Variants in CNTNAP2 observed in about 807,000 individuals in gnomAD.
CNTNAP2 encodes contactin associated protein 2.
In CNTNAP2, 98 loss-of-function variants were observed where a neutral mutation model predicts 155.2. That is an observed-to-expected ratio of 0.63 (90% confidence interval 0.54 to 0.75). The LOEUF (loss-of-function observed/expected upper bound fraction) is 0.75. Among genes scored for constraint, CNTNAP2 ranks in the 30% least tolerant of loss-of-function variants. CNTNAP2 has a pLI of 0.00. For missense variants in CNTNAP2, 1,727 were observed against 1,688.1 expected (o/e 1.02, Z -0.40); for synonymous variants, 651 against 631.2 (o/e 1.03, Z -0.47).
intron 13 of CNTNAP2, among the ~76,000 whole-genome samples, chr7:147,727,949 C>CT (rs1248528903): frequency 6.6e-6 from 1 of 151,958 alleles, no homozygotes; most frequent in Non-Finnish European, 1.5e-5. Flanking sequence ...CTAGCCACCC[C>CT]TATGGTCATC....
At position 147,495,745 on chromosome 7, in the gene CNTNAP2, T is replaced by C. The variant is rs556719476; in HGVS notation, c.1777+9704T>C. 3.3e-5 allele frequency among the ~76,000 whole-genome samples: 5 copies of C among 152,288 alleles called. No homozygotes were observed. In the South Asian group the frequency reaches 1.0e-3, roughly 32 times the overall value. ...AACTTCAGATGCTATTCTTCATAAG[T>C]CATTTTTTTAAATCGTGAAACAACT... On this transcript the variant is annotated intron_variant, in intron 11 of 23. Transcript: ENST00000361727.
intron 3 of CNTNAP2, among the ~76,000 whole-genome samples, chr7:147,024,934 C>T (rs904504855): frequency 2.0e-5 from 3 of 152,000 alleles, no homozygotes; most frequent in Non-Finnish European, 4.4e-5. Flanking sequence ...TAAACAATCA[C>T]ATCACGTGAG....
chr7:147,654,592 C>T (rs1795496957), intron 13 of CNTNAP2, among the ~76,000 whole-genome samples: 1 of 152,144 alleles, frequency 6.6e-6, no homozygotes, highest in Non-Finnish European at 1.5e-5. Flanking sequence ...CAGTGACTTG[C>T]TCCACTGAAG....
intron 13 of CNTNAP2, among the ~76,000 whole-genome samples, chr7:147,776,297 G>A (rs1797585820): frequency 1.3e-5 from 2 of 150,018 alleles, no homozygotes; most frequent in Admixed American, 1.3e-4. Flanking sequence ...CTTGTAAAGG[G>A]GAAGAGGGTA....
At chr7:146,823,245 A>G (rs954605050) in intron 2 of CNTNAP2, among the ~76,000 whole-genome samples, 1 of 150,084 alleles carries the variant, frequency 6.7e-6, no homozygotes, top group African/African-American at 2.4e-5. Flanking sequence ...GTATATTTAA[A>G]TGTAAATATA....
At chr7:147,935,511 C>G (rs2116806377) in intron 14 of CNTNAP2, among the ~76,000 whole-genome samples, 1 of 152,214 alleles carries the variant, frequency 6.6e-6, no homozygotes. Flanking sequence ...TTTATGCCAC[C>G]TTTTTGGTCA....
At chr7:146,494,169 C>T (rs1203779848) in intron 1 of CNTNAP2, among the ~76,000 whole-genome samples, 1 of 151,792 alleles carries the variant, frequency 6.6e-6, no homozygotes, top group Non-Finnish European at 1.5e-5. Flanking sequence ...GCTGTCTGTA[C>T]TAAAAATACA....
intron 4 of CNTNAP2, among the ~76,000 whole-genome samples, chr7:147,089,314 C>T (rs1422863064): frequency 6.6e-6 from 1 of 152,130 alleles, no homozygotes; most frequent in Non-Finnish European, 1.5e-5. Flanking sequence ...CATTGCACTT[C>T]TCTGTTTGTC....
chr7:146,833,892 T>A (rs542199194), intron 2 of CNTNAP2, among the ~76,000 whole-genome samples: 1 of 152,316 alleles, frequency 6.6e-6, no homozygotes, highest in East Asian at 1.9e-4. Context: ...TATTTTTTGA[T>A]CCTGGCTATG....
At chr7:146,265,457 C>CTTTTTTTTTTTTTTTTTTTT (rs796634792) in intron 1 of CNTNAP2, among the ~76,000 whole-genome samples, 1 of 135,608 alleles carries the variant, frequency 7.4e-6, no homozygotes, top group African/African-American at 2.8e-5. Context: ...TTCTTTCTTT[C>CTTTTTTTTTTTTTTTTTTTT]TTTTTTTTTT....
chr7:147,603,214 A>G (rs1042792854), intron 12 of CNTNAP2, among the ~76,000 whole-genome samples: 2 of 151,702 alleles, frequency 1.3e-5, no homozygotes, highest in African/African-American at 4.9e-5. Flanking sequence ...TGTGGTTTTG[A>G]TTTGCATTTC....
rs553035616 is a variant in CNTNAP2 at position 146,533,107 on chromosome 7, C to CAAAAAAAAAAA, written c.98-241146_98-241136dup. Among the ~76,000 whole-genome samples the CAAAAAAAAAAA allele has an allele frequency of 7.9e-4, 38 of 47,852 alleles. 1 individual carries two copies. Among genetic ancestry groups the CAAAAAAAAAAA allele is most frequent in the African/African-American group, 2.0e-3 (29 of 14,696 alleles). The allele number at this position is 47,852 out of a possible 152,430, so 31.4% of individuals were successfully genotyped here. A position where few individuals can be genotyped will look rare whatever the true frequency, so the allele number is the denominator to read the frequency against. ...ACTGAGGGAGAGGGAGACCCTGTCTCAAAAAAAAAAAAAAAAAAAAAAAAA... is the reference window on the plus strand; with the variant it reads ...ACTGAGGGAGAGGGAGACCCTGTCTCAAAAAAAAAAAAAAAAAAAAAAAAAAAAAAAAAAAA... On this transcript the variant is annotated intron_variant, in intron 1 of 23. Coordinates refer to ENST00000361727, the MANE Select transcript of CNTNAP2 (RefSeq NM_014141.6).
intron 1 of CNTNAP2, among the ~76,000 whole-genome samples, chr7:146,651,800 ATAT>A (rs1409213326): frequency 1.3e-5 from 2 of 152,144 alleles, no homozygotes; most frequent in East Asian, 1.9e-4. Context: ...CCAATGCTAT[ATAT>A]TATTCTGAAA....
chr7:146,193,252 T>A lies in CNTNAP2; in HGVS notation c.97+76279T>A, dbSNP rs570102791. 3.9e-5 allele frequency among the ~76,000 whole-genome samples: 6 copies of A among 152,306 alleles called. No individual in the cohort carries two copies. The South Asian group carries it at 1.2e-3, about 32-fold the overall frequency. ...GAGGATGGTGGCCCTCTTCTCACAG[T>A]TCCACTAGGCAGTGCCCCTGGGGAC... On this transcript the variant is annotated intron_variant, in intron 1 of 23. Transcript: ENST00000361727.
chr7:146,969,447 A>T (rs1013109206), intron 3 of CNTNAP2, among the ~76,000 whole-genome samples: 4 of 152,044 alleles, frequency 2.6e-5, no homozygotes, highest in Admixed American at 6.6e-5. Context: ...TGGGAGTCTA[A>T]GTCTCTTTGT....
At chr7:147,664,650 TTCCTAGGAAA>T (rs2116957554) in intron 13 of CNTNAP2, among the ~76,000 whole-genome samples, 1 of 152,356 alleles carries the variant, frequency 6.6e-6, no homozygotes, top group South Asian at 2.1e-4. Context: ...TCTTCTTTTA[TTCCTAGGAAA>T]TCTCTTTGAA....
chr7:146,894,926 A>G (rs1372011409), intron 3 of CNTNAP2, among the ~76,000 whole-genome samples: 1 of 152,130 alleles, frequency 6.6e-6, no homozygotes, highest in African/African-American at 2.4e-5. Flanking sequence ...GTCAGCCTCA[A>G]TGCTGGCCTT....
At chr7:146,819,313 T>C (rs1473678357) in intron 2 of CNTNAP2, among the ~76,000 whole-genome samples, 1 of 152,090 alleles carries the variant, frequency 6.6e-6, no homozygotes, top group Non-Finnish European at 1.5e-5. Flanking sequence ...ACTGGGAAAT[T>C]GGAGTTTGTG....
intron 1 of CNTNAP2, among the ~76,000 whole-genome samples, chr7:146,210,029 C>T (rs1172745546): frequency 6.6e-6 from 1 of 152,118 alleles, no homozygotes; most frequent in African/African-American, 2.4e-5. Context: ...ACCATTCCCA[C>T]CTCCTCCCTT....
Sources: allele counts gnomAD v4.1 joint callset (sites outside exome capture counted in the v4.1 genomes callset), GRCh38; gene constraint gnomAD v4.1.1; transcripts MANE v1.5; gene names NCBI Gene and HGNC (gene_info 2026-07-23, HGNC 2026-07-21).